Variants in UNC93A observed in about 807,000 individuals in gnomAD.
UNC93A encodes the protein unc-93 homolog A, also known as N-acetylglucosamine transporter UNC93A.
Under a neutral mutation model 47.5 loss-of-function variants are expected in UNC93A, and 43 were observed. That is an observed-to-expected ratio of 0.91 (90% CI 0.71 to 1.17). The LOEUF is 1.17. Ranked by LOEUF, UNC93A falls within the 50% of genes most tolerant of loss-of-function variation. The pLI is 0.00. For missense variants in UNC93A, 605 were observed against 577.6 expected, an observed-to-expected ratio of 1.05 and a Z score of -0.49; for synonymous variants, 280 against 258.0, an observed-to-expected ratio of 1.09 and a Z score of -0.82.
chr6:167,293,370 T>A (rs1777941304), intron 1 of UNC93A, among the ~76,000 whole-genome samples: 1 of 152,060 alleles, frequency 6.6e-6, no homozygotes, highest in Non-Finnish European at 1.5e-5. Context: ...AAGGGTCCCC[T>A]CCACTCCAGC....
intron 7 of UNC93A, among the ~76,000 whole-genome samples, chr6:167,312,125 G>A (rs888001935): frequency 6.6e-6 from 1 of 152,106 alleles, no homozygotes; most frequent in Non-Finnish European, 1.5e-5. Flanking sequence ...TAGTCTGTAG[G>A]CTGTTCCTTA....
intron 4 of UNC93A, among the ~76,000 whole-genome samples, chr6:167,303,134 A>T (rs1778287864): frequency 6.6e-6 from 1 of 152,174 alleles, no homozygotes; most frequent in African/African-American, 2.4e-5. Flanking sequence ...CTGCACTGTA[A>T]AAGGGTGTGC....
intron 1 of UNC93A, among the ~76,000 whole-genome samples, chr6:167,294,272 G>A (rs1562348758): frequency 6.6e-6 from 1 of 152,200 alleles, no homozygotes; most frequent in Admixed American, 6.5e-5. Flanking sequence ...CAGCCCCGGC[G>A]CAAGCACTCA....
At chr6:167,295,491 C>T (rs1344721237) in intron 2 of UNC93A, among the ~76,000 whole-genome samples, 17 of 96,664 alleles carry the variant, frequency 1.8e-4, no homozygotes, top group African/African-American at 9.9e-4. Flanking sequence ...TGAACCTCGC[C>T]TCCCTCGTGA....
At chr6:167,280,653 C>T (rs1009381891) in intron 1 of UNC93A, among the ~76,000 whole-genome samples, 2 of 152,206 alleles carry the variant, frequency 1.3e-5, no homozygotes, top group African/African-American at 4.8e-5. Flanking sequence ...GGTCCCTTTG[C>T]TGGCTGGAAC....
Position 167,291,352 on chromosome 6 carries a change from A to C in UNC93A, c.-138A>C. ...CAGTCTTAATGACTAACACACCTCT[A>C]ACATTTCACCTCTAGCTCAGATGAG... On this transcript the variant is annotated 5_prime_UTR_variant, in exon 1 of 8. Transcript: ENST00000230256. The C allele has an allele frequency of 1.5e-6, 1 of 670,508 alleles. No homozygotes were observed. The highest frequency in any genetic ancestry group is 2.3e-5 in the South Asian group (1 of 43,804). The allele number at this position is 670,508 out of a possible 1,614,324, so 41.5% of individuals were successfully genotyped here. A position where few individuals can be genotyped will look rare whatever the true frequency, so the allele number is the denominator to read the frequency against.
intron 4 of UNC93A, 157 bp downstream of exon 4, chr6:167,298,227 G>A (rs1199540696): frequency 8.2e-7 from 1 of 1,212,364 alleles, no homozygotes; most frequent in Non-Finnish European, 1.1e-6. Flanking sequence ...TGCAGGCGGT[G>A]TTCTTATGAA....
chr6:167,270,941 G>A (rs956405119), upstream of UNC93A, among the ~76,000 whole-genome samples: 1 of 152,336 alleles, frequency 6.6e-6, no homozygotes, highest in Non-Finnish European at 1.5e-5. Context: ...ACACAAAGGG[G>A]CATTTGAATT....
intron 1 of UNC93A, among the ~76,000 whole-genome samples, chr6:167,282,268 C>T (rs1783646635): frequency 6.6e-6 from 1 of 152,062 alleles, no homozygotes; most frequent in South Asian, 2.1e-4. Context: ...CTCAGCTAGT[C>T]AACCATGAGA....
At chr6:167,312,942 T>C (rs1395830257) in intron 7 of UNC93A, among the ~76,000 whole-genome samples, 1 of 152,240 alleles carries the variant, frequency 6.6e-6, no homozygotes, top group African/African-American at 2.4e-5. Flanking sequence ...TCCACACGTG[T>C]GGCTTCCCCT....
At chr6:167,308,006 C>A in intron 7 of UNC93A, 96 bp downstream of exon 7, 1 of 1,518,726 alleles carries the variant, frequency 6.6e-7, no homozygotes. Context: ...TGGGCCAGAG[C>A]CAAGAGAGAT....
intron 1 of UNC93A, among the ~76,000 whole-genome samples, chr6:167,279,063 A>T (rs933113826): frequency 5.3e-5 from 8 of 152,354 alleles, no homozygotes; most frequent in African/African-American, 1.9e-4. Flanking sequence ...GATCAATTAA[A>T]AGAAGTTAAA....
At chr6:167,307,596 T>G (rs551129670) in intron 6 of UNC93A, among the ~76,000 whole-genome samples, 183 bp from the exon 7 acceptor site, 2 of 151,632 alleles carry the variant, frequency 1.3e-5, no homozygotes, top group East Asian at 3.9e-4. Context: ...GTTGAGATGG[T>G]TGAGATGGTT....
At chr6:167,274,489 T>G (rs1313817642) in intron 1 of UNC93A, among the ~76,000 whole-genome samples, 1 of 152,200 alleles carries the variant, frequency 6.6e-6, no homozygotes, top group East Asian at 1.9e-4. Context: ...CTCCTCTTCC[T>G]GCCCAAATTT....
At chr6:167,276,571 C>T (rs1226477070) in intron 1 of UNC93A, among the ~76,000 whole-genome samples, 1 of 152,166 alleles carries the variant, frequency 6.6e-6, no homozygotes, top group Non-Finnish European at 1.5e-5. Context: ...CTCGAGGACA[C>T]ACACTGTGCA....
chr6:167,270,085 T>TC (rs1348992940), upstream of UNC93A, among the ~76,000 whole-genome samples: 1 of 146,814 alleles, frequency 6.8e-6, no homozygotes, highest in Non-Finnish European at 1.5e-5. Context: ...GTTCACATGG[T>TC]CCGGAGTCCC....
chr6:167,306,089 G>A (rs1284679897), intron 6 of UNC93A, 39 bp downstream of exon 6: 21 of 1,609,476 alleles, frequency 1.3e-5, no homozygotes, highest in Admixed American at 3.3e-5. Flanking sequence ...CTGTCATAAC[G>A]ATTTGCAGTA....
At position 167,279,720 on chromosome 6, in the gene UNC93A, C is replaced by T. The variant is rs377345671; in HGVS notation, c.-52+8262C>T. On this transcript the variant is annotated intron_variant, in intron 1 of 3. Coordinates refer to the UNC93A transcript ENST00000503433. ...ATGGAATTTTCCACAGAAAAATGTG[C>T]GTATATTTTGCATCAAACAGAGCAC... Among the ~76,000 whole-genome samples the T allele has an allele frequency of 2.6e-5, 4 of 152,016 alleles. No homozygotes were observed. In the East Asian group the frequency reaches 5.8e-4, roughly 22 times the overall value.
At position 167,291,478 on chromosome 6, in the gene UNC93A, T is replaced by C. The variant is rs1407123188; in HGVS notation, c.-12T>C. The C allele has an allele frequency of 2.5e-6, 4 of 1,606,930 alleles. No individual in the cohort carries two copies. Among genetic ancestry groups the C allele is most frequent in the Non-Finnish European group, 3.4e-6 (4 of 1,178,126 alleles). On this transcript the variant is annotated 5_prime_UTR_variant, in exon 1 of 8. Coordinates refer to ENST00000230256, the MANE Select transcript of UNC93A (RefSeq NM_018974.4). ...ACGTGTTCACTGGTGATTGATCTTT[T>C]CATCCAGCACAATGGACAGAAGTCT...
Sources: allele counts gnomAD v4.1 joint callset (sites outside exome capture counted in the v4.1 genomes callset), GRCh38; gene constraint gnomAD v4.1.1; transcripts MANE v1.5; gene names NCBI Gene and HGNC (gene_info 2026-07-23, HGNC 2026-07-21).